Variants in NUP160 observed in about 807,000 individuals in gnomAD.
The protein encoded by NUP160 is nucleoporin 160.
In NUP160, 94 loss-of-function variants were observed where a neutral mutation model predicts 196.9. The ratio of observed to expected loss-of-function variants is 0.48; its 90% CI spans 0.40 to 0.57. The LOEUF is 0.57. NUP160 is among the 20% of genes least tolerant of loss of function. NUP160 has a pLI of 0.00. For synonymous variants in NUP160, 605 were observed against 619.7 expected (o/e 0.98, Z 0.35); for missense variants, 1,638 against 1,748.3 (o/e 0.94, Z 1.13).
chr11:47,807,975 C>T (rs1043975636), intron 18 of NUP160, among the ~76,000 whole-genome samples: 2 of 152,198 alleles, frequency 1.3e-5, no homozygotes, highest in African/African-American at 2.4e-5. Flanking sequence ...TATAATTTTA[C>T]GGCATCCTGT....
exon 3 of NUP160, chr11:47,840,559 A>G: frequency 6.2e-7 from 1 of 1,611,700 alleles, no homozygotes; most frequent in Non-Finnish European, 8.5e-7. Flanking sequence ...TGACTCCTCC[A>G]TCAGCTCCAA....
chr11:47,811,422 T>C (rs1252925743), intron 17 of NUP160, among the ~76,000 whole-genome samples: 3 of 151,268 alleles, frequency 2.0e-5, no homozygotes, highest in African/African-American at 4.9e-5. Context: ...GGCAGGAGAA[T>C]TGCTTGAGCT....
At chr11:47,802,155 G>C (rs919617403) in intron 22 of NUP160, among the ~76,000 whole-genome samples, 1 of 152,174 alleles carries the variant, frequency 6.6e-6, no homozygotes, top group Non-Finnish European at 1.5e-5. Context: ...AACATTGGCC[G>C]GGTGGGGTGG....
chr11:47,814,168 A>AC (rs1361856009), intron 13 of NUP160, among the ~76,000 whole-genome samples: 567 of 150,774 alleles, frequency 3.8e-3, no homozygotes, highest in East Asian at 0.019. Context: ...AAACAAACAA[A>AC]AAAAAGAAAC....
In NUP160 at chr11:47,840,494, C is replaced by T. The variant is rs142325189; in HGVS notation, c.409G>A (p.Val137Ile). The T allele has an allele frequency of 2.2e-4, 355 of 1,614,100 alleles. 1 individual carries two copies. The highest frequency in any genetic ancestry group is 2.3e-4 in the Admixed American group (14 of 59,992). Residue 137 changes from valine to isoleucine, a missense_variant, in exon 3 of 36, where the codon GTT becomes ATT. Around this residue, in one of 3 missense-constraint regions of NUP160, gnomAD observed 287 missense variants for 259.5 expected, o/e 1.11. Coordinates refer to ENST00000378460, the Ensembl canonical transcript of NUP160. Reference sequence around the variant, plus strand: ...GAGACATAAACCCCTCCAGGTAAAACACTGCAATTTTGGAATTTTAGGCGA... The same window carrying T: ...GAGACATAAACCCCTCCAGGTAAAATACTGCAATTTTGGAATTTTAGGCGA...
intron 2 of NUP160, among the ~76,000 whole-genome samples, chr11:47,844,751 T>C (rs1852367222): frequency 6.6e-6 from 1 of 152,134 alleles, no homozygotes; most frequent in African/African-American, 2.4e-5. Flanking sequence ...CCATCTTGAA[T>C]AGGAGTTGGG....
intron 17 of NUP160, among the ~76,000 whole-genome samples, chr11:47,811,666 T>C (rs566864796): frequency 4.6e-5 from 7 of 152,246 alleles, no homozygotes; most frequent in African/African-American, 1.2e-4. Flanking sequence ...CTGCTTCATG[T>C]ATGTTTTTTA....
intron 27 of NUP160, chr11:47,796,339 G>C (rs908559727): frequency 3.3e-5 from 22 of 659,066 alleles, no homozygotes; most frequent in African/African-American, 2.9e-4. Context: ...TGTGATCTGT[G>C]TTTGCCCTGA....
Position 47,806,321 on chromosome 11 carries a change from G to GA in NUP160, c.2447-10dup. On this transcript the variant is annotated splice_polypyrimidine_tract_variant and intron_variant, in intron 19 of 35. Transcript: ENST00000378460. ...AGTCTGAGGACTAGATACTTAAAAA[G>GA]AAAAAGTTATGACAGTTTTGTGTAG... 6.2e-7 allele frequency: 1 copy of GA among 1,601,430 alleles called. No homozygotes were observed.
intron 19 of NUP160, 61 bp downstream of exon 19, chr11:47,807,009 T>C: frequency 7.9e-7 from 1 of 1,263,090 alleles, no homozygotes; most frequent in Admixed American, 1.8e-5. Flanking sequence ...AAAGACCACT[T>C]TAATGAATAT....
intron 2 of NUP160, chr11:47,841,396 A>T (rs1852294618): frequency 2.2e-6 from 1 of 462,824 alleles, no homozygotes; most frequent in East Asian, 5.0e-5. Flanking sequence ...TACAATCCTG[A>T]CCAACCGCTC....
At chr11:47,791,792 G>A in intron 29 of NUP160, 138 bp downstream of exon 29, 1 of 610,708 alleles carries the variant, frequency 1.6e-6, no homozygotes. Context: ...GTTTTACAAG[G>A]GCAACTGTTA....
exon 31 of NUP160, chr11:47,788,260 C>T: frequency 1.2e-6 from 2 of 1,613,982 alleles, no homozygotes; most frequent in Non-Finnish European, 1.7e-6. Flanking sequence ...GTCAAAGAGG[C>T]CCGCCTGAAC....
intron 21 of NUP160, 56 bp downstream of exon 21, chr11:47,804,493 C>A: frequency 8.4e-7 from 1 of 1,187,680 alleles, no homozygotes; most frequent in Non-Finnish European, 1.2e-6. Flanking sequence ...GAAAAAAATT[C>A]AGCAATCCCA....
intron 23 of NUP160, among the ~76,000 whole-genome samples, chr11:47,801,033 G>C (rs1323442537): frequency 6.6e-6 from 1 of 152,138 alleles, no homozygotes; most frequent in Non-Finnish European, 1.5e-5. Flanking sequence ...GCATGCGCTT[G>C]ACTTGAATGA....
chr11:47,814,070 C>CAAA (rs5791787), intron 13 of NUP160, among the ~76,000 whole-genome samples: 617 of 38,990 alleles, frequency 0.016, 7 homozygotes, highest in South Asian at 0.028. Context: ...GACTCTGTCT[C>CAAA]AAAAAAAAAA....
At chr11:47,805,140 T>G (rs2097676720) in intron 20 of NUP160, among the ~76,000 whole-genome samples, 1 of 152,052 alleles carries the variant, frequency 6.6e-6, no homozygotes, top group South Asian at 2.1e-4. Context: ...AATGTCTTTT[T>G]TTTTTTTGAG....
At position 47,819,951 on chromosome 11, in the gene NUP160, A is replaced by G. The variant is rs144038244; in HGVS notation, c.1278-493T>C. Among the ~76,000 whole-genome samples the G allele has an allele frequency of 2.4e-4, 37 of 152,310 alleles. No individual in the cohort carries two copies. The East Asian group carries it at 5.4e-3, about 22-fold the overall frequency. On this transcript the variant is annotated intron_variant, in intron 9 of 35. Transcript: ENST00000378460. ...CAACTAGGATTCCAACCCTGCTCCA[A>G]CTCTGCAGCCTGTGCTTTCTGACTA... is the stretch of plus-strand genomic sequence containing the variant.
At chr11:47,828,581 A>G (rs1852020465) in intron 7 of NUP160, among the ~76,000 whole-genome samples, 1 of 135,822 alleles carries the variant, frequency 7.4e-6, no homozygotes, top group African/African-American at 2.5e-5. Context: ...GAAACTGACA[A>G]GCTGATTCTA....
Sources: gnomAD v4.1 joint callset for allele counts (sites outside exome capture counted in the v4.1 genomes callset) on GRCh38, gnomAD v4.1.1 for gene constraint, gnomAD v4.1.1 regional missense constraint, MANE v1.5 for transcripts, NCBI Gene and HGNC (gene_info 2026-07-23, HGNC 2026-07-21) for gene names.